The following SYNPR variants were observed in gnomAD, a reference collection of about 807,000 sequenced individuals.
SYNPR encodes synaptoporin.
In SYNPR, 23 loss-of-function variants were observed where a neutral mutation model predicts 32.9. The ratio of observed to expected loss-of-function variants is 0.70; its 90% CI spans 0.50 to 0.99. SYNPR has a LOEUF of 0.99. Ranked by LOEUF, SYNPR falls within the 50% of genes least tolerant of loss-of-function variation. SYNPR has a pLI of 0.00. For missense variants in SYNPR, 318 were observed against 349.3 expected (o/e 0.91, Z 0.71); for synonymous variants, 146 against 135.9 (o/e 1.07, Z -0.52).
chr3:63,307,275 T>G (rs1473275404), intron 2 of SYNPR, among the ~76,000 whole-genome samples: 1 of 152,010 alleles, frequency 6.6e-6, no homozygotes, highest in African/African-American at 2.4e-5. Context: ...GCAGTCTGAC[T>G]TCCCATCCCC....
chr3:63,240,275 ATATTAT>A (rs1188955441), intron 1 of SYNPR, among the ~76,000 whole-genome samples: 1 of 152,158 alleles, frequency 6.6e-6, no homozygotes, highest in Non-Finnish European at 1.5e-5. Context: ...AAAGTTAATT[ATATTAT>A]TATATGTTTT....
chr3:63,222,011 ATTTTTTT>A, the SYNPR span, among the ~76,000 whole-genome samples: 26 of 56,408 alleles, frequency 4.6e-4, 1 homozygote, highest in Non-Finnish European at 7.0e-4. Context: ...GCCATGCTCA[ATTTTTTT>A]TTTTTTTTTT....
At chr3:63,465,559 A>C (rs866217598) in intron 2 of SYNPR, among the ~76,000 whole-genome samples, 3 of 152,156 alleles carry the variant, frequency 2.0e-5, no homozygotes, top group African/African-American at 7.2e-5. Context: ...TTTCAAACAT[A>C]TATAAAGAAA....
intron 2 of SYNPR, among the ~76,000 whole-genome samples, chr3:63,431,561 T>C (rs1473302150): frequency 2.0e-5 from 3 of 152,180 alleles, no homozygotes; most frequent in South Asian, 4.1e-4. Context: ...GTAATTTATC[T>C]GGTTTTTTGA....
intron 3 of SYNPR, among the ~76,000 whole-genome samples, chr3:63,502,604 T>A (rs1445063449): frequency 3.9e-5 from 6 of 152,270 alleles, no homozygotes; most frequent in South Asian, 2.1e-4. Flanking sequence ...TCTGTCTCCA[T>A]AGTTTTGCTT....
intron 2 of SYNPR, among the ~76,000 whole-genome samples, chr3:63,380,152 C>A (rs148169715): frequency 6.6e-6 from 1 of 152,084 alleles, no homozygotes; most frequent in Non-Finnish European, 1.5e-5. Context: ...AAACATACAT[C>A]CGCATGTGTC....
chr3:63,359,937 C>T (rs563992535), intron 2 of SYNPR, among the ~76,000 whole-genome samples: 1 of 152,238 alleles, frequency 6.6e-6, no homozygotes, highest in Admixed American at 6.5e-5. Flanking sequence ...GAAATAGACT[C>T]AGAAAGAATC....
intron 3 of SYNPR, among the ~76,000 whole-genome samples, chr3:63,503,737 G>T (rs1426344515): frequency 5.9e-5 from 9 of 151,804 alleles, no homozygotes; most frequent in African/African-American, 2.2e-4. Flanking sequence ...AAAAAGTATA[G>T]AAGAGTAACA....
At chr3:63,458,107 G>C (rs545060745) in intron 2 of SYNPR, among the ~76,000 whole-genome samples, 2 of 152,070 alleles carry the variant, frequency 1.3e-5, no homozygotes, top group Non-Finnish European at 2.9e-5. Context: ...ATACGATAAG[G>C]TAATTAAATT....
At chr3:63,538,842 C>A (rs1478746657) in intron 3 of SYNPR, among the ~76,000 whole-genome samples, 1 of 152,084 alleles carries the variant, frequency 6.6e-6, no homozygotes. Flanking sequence ...ATGGCAATAG[C>A]TAACTGATAT....
intron 2 of SYNPR, chr3:63,442,943 A>G (rs1224709428): frequency 3.9e-6 from 3 of 761,804 alleles, no homozygotes; most frequent in Non-Finnish European, 4.8e-6. Flanking sequence ...ATTTTTCCCC[A>G]TACCCTTAAA....
chr3:63,587,256 A>C (rs527417408), intron 4 of SYNPR, among the ~76,000 whole-genome samples: 1 of 152,138 alleles, frequency 6.6e-6, no homozygotes, highest in African/African-American at 2.4e-5. Flanking sequence ...GCAACAGCTA[A>C]AATATTCCAG....
chr3:63,262,924 A>G (rs1273334105), intron 2 of SYNPR, among the ~76,000 whole-genome samples: 4 of 152,206 alleles, frequency 2.6e-5, no homozygotes, highest in Admixed American at 2.0e-4. Flanking sequence ...CTGGGTCTCC[A>G]TTTGTTTATT....
chr3:63,605,913 C>G (rs892412347), intron 4 of SYNPR, among the ~76,000 whole-genome samples: 1 of 152,202 alleles, frequency 6.6e-6, no homozygotes, highest in Non-Finnish European at 1.5e-5. Context: ...TATGTTCCCG[C>G]TCCATAGCCT....
intron 4 of SYNPR, among the ~76,000 whole-genome samples, chr3:63,579,525 TTGTC>T (rs1213545721): frequency 1.3e-4 from 20 of 152,268 alleles, no homozygotes; most frequent in African/African-American, 4.3e-4. Context: ...ACCTTGTTCA[TTGTC>T]TGTCCCCTAC....
chr3:63,208,260 C>A, the SYNPR span, among the ~76,000 whole-genome samples: 1 of 152,090 alleles, frequency 6.6e-6, no homozygotes, highest in African/African-American at 2.4e-5. Flanking sequence ...CTACAAGACC[C>A]AGTTATTTTA....
At chr3:63,434,907 T>C (rs1378405924) in intron 2 of SYNPR, among the ~76,000 whole-genome samples, 1 of 152,236 alleles carries the variant, frequency 6.6e-6, no homozygotes, top group African/African-American at 2.4e-5. Context: ...TAGTGCCTAC[T>C]ATGAACAATG....
At chr3:63,236,780 T>C (rs906928310) in intron 1 of SYNPR, among the ~76,000 whole-genome samples, 3 of 152,174 alleles carry the variant, frequency 2.0e-5, no homozygotes, top group African/African-American at 7.2e-5. Flanking sequence ...TTGGGAGTTT[T>C]ATGTAGATAA....
chr3:63,540,182 A>T (rs1216473774), intron 3 of SYNPR, among the ~76,000 whole-genome samples: 3 of 152,132 alleles, frequency 2.0e-5, no homozygotes, highest in African/African-American at 7.2e-5. Context: ...TTTATTCCTT[A>T]TGAAGTAGGT....
Sources: allele counts gnomAD v4.1 joint callset (sites outside exome capture counted in the v4.1 genomes callset), GRCh38; gene constraint gnomAD v4.1.1; transcripts MANE v1.5; gene names NCBI Gene and HGNC (gene_info 2026-07-23, HGNC 2026-07-21).